IL1RAPL2: variants seen among roughly 807,000 people sequenced by gnomAD.
IL1RAPL2 encodes the protein interleukin 1 receptor accessory protein like 2.
A neutral mutation model predicts 44.1 loss-of-function variants in IL1RAPL2; 3 were observed. The ratio of observed to expected loss-of-function variants is 0.07; its 90% CI spans 0.03 to 0.18. The LOEUF is 0.18. Among genes scored for constraint, IL1RAPL2 ranks in the 10% least tolerant of loss-of-function variants. The pLI is 1.00. For missense variants in IL1RAPL2, 391 were observed against 496.4 expected, an observed-to-expected ratio of 0.79 and a Z score of 2.02; for synonymous variants, 181 against 178.8, an observed-to-expected ratio of 1.01 and a Z score of -0.10.
chrX:105,571,051 C>T (rs1344602675), intron 6 of IL1RAPL2, among the ~76,000 whole-genome samples: 1 of 111,289 alleles, frequency 9.0e-6, no homozygotes, highest in Non-Finnish European at 1.9e-5. Context: ...TTGATCTTAC[C>T]AAATCATTCA....
chrX:105,300,799 C>T lies in IL1RAPL2; in HGVS notation c.697+33258C>T, dbSNP rs890002003. ...TGAGTGGCAAAGGATCCTAGTAAAC[C>T]AGTCTCCCATTCCTGGAATAGGCCA... is the stretch of plus-strand genomic sequence containing the variant. On this transcript the variant is annotated intron_variant, in intron 5 of 10. Coordinates refer to ENST00000372582, the MANE Select transcript of IL1RAPL2 (RefSeq NM_017416.2). Among the ~76,000 whole-genome samples, 6 of 111,305 alleles carry T rather than the reference C, an allele frequency of 5.4e-5. No individual in the cohort carries two copies. In the Admixed American group the frequency reaches 5.8e-4, roughly 11 times the overall value.
intron 5 of IL1RAPL2, among the ~76,000 whole-genome samples, chrX:105,470,134 A>T (rs2036156564): frequency 9.0e-6 from 1 of 111,523 alleles, no homozygotes; most frequent in African/African-American, 3.3e-5. Context: ...TATCTCTGGG[A>T]TGCAATGTTG....
chrX:105,246,358 C>A (rs1005395682), intron 4 of IL1RAPL2, among the ~76,000 whole-genome samples: 2 of 112,232 alleles, frequency 1.8e-5, no homozygotes, highest in African/African-American at 6.5e-5. Flanking sequence ...TTCAGTCCTG[C>A]AGCTTGCTGC....
chrX:105,584,490 T>A (rs1269798190), intron 6 of IL1RAPL2, among the ~76,000 whole-genome samples: 1 of 110,178 alleles, frequency 9.1e-6, no homozygotes, highest in Non-Finnish European at 1.9e-5. Context: ...TTTATTTCTT[T>A]ATGTGTAACA....
intron 1 of IL1RAPL2, among the ~76,000 whole-genome samples, chrX:104,657,316 C>A (rs1930286822): frequency 9.0e-6 from 1 of 111,307 alleles, no homozygotes; most frequent in African/African-American, 3.3e-5. Context: ...AGAAATAACA[C>A]CACACATCTA....
At position 105,454,211 on chromosome X, in the gene IL1RAPL2, A is replaced by G. The variant is rs769679125; in HGVS notation, c.698-30102A>G. On this transcript the variant is annotated intron_variant, in intron 5 of 10. Coordinates refer to ENST00000372582, the MANE Select transcript of IL1RAPL2 (RefSeq NM_017416.2). Reference sequence around the variant, plus strand: ...TACAAGAGAACCCCACAGTCCTTGCAGGCCCTGATCCCAGTAAAGGGAGTT... The same window carrying G: ...TACAAGAGAACCCCACAGTCCTTGCGGGCCCTGATCCCAGTAAAGGGAGTT... Among the ~76,000 whole-genome samples, 30 of 111,753 alleles carry G rather than the reference A, an allele frequency of 2.7e-4. 1 individual carries two copies. Among genetic ancestry groups the G allele is most frequent in the Non-Finnish European group, 5.5e-4 (29 of 53,169 alleles).
At chrX:105,723,060 C>G (rs2038319719) in intron 7 of IL1RAPL2, among the ~76,000 whole-genome samples, 1 of 111,522 alleles carries the variant, frequency 9.0e-6, no homozygotes, top group Non-Finnish European at 1.9e-5. Flanking sequence ...TAAATTTTAT[C>G]TTTAATTCAT....
intron 1 of IL1RAPL2, among the ~76,000 whole-genome samples, chrX:104,568,089 G>A (rs1928073914): frequency 9.0e-6 from 1 of 111,515 alleles, no homozygotes; most frequent in Non-Finnish European, 1.9e-5. Flanking sequence ...CCTATCACAG[G>A]TGTTTTTTTT....
At chrX:105,192,487 C>T (rs1378857966) in intron 2 of IL1RAPL2, among the ~76,000 whole-genome samples, 2 of 111,314 alleles carry the variant, frequency 1.8e-5, no homozygotes, top group Non-Finnish European at 3.8e-5. Flanking sequence ...TTTTCTACCT[C>T]CTTTTGTCCC....
At chrX:105,407,841 C>A (rs1346828256) in intron 5 of IL1RAPL2, among the ~76,000 whole-genome samples, 3 of 112,054 alleles carry the variant, frequency 2.7e-5, no homozygotes, top group Non-Finnish European at 5.6e-5. Flanking sequence ...TTCCACTCAA[C>A]ACCAGACCAA....
intron 5 of IL1RAPL2, among the ~76,000 whole-genome samples, chrX:105,391,912 G>A (rs1393134633): frequency 1.4e-4 from 12 of 84,340 alleles, no homozygotes; most frequent in Non-Finnish European, 1.6e-4. Flanking sequence ...ACCAAACACC[G>A]CATATTCTCA....
intron 5 of IL1RAPL2, among the ~76,000 whole-genome samples, chrX:105,377,392 G>GTA (rs1393091304): frequency 5.5e-5 from 6 of 109,341 alleles, no homozygotes; most frequent in African/African-American, 1.7e-4. Flanking sequence ...GTGTGTGTGT[G>GTA]TGTATGTGTG....
chrX:104,955,958 A>G (rs1361882142), intron 2 of IL1RAPL2, among the ~76,000 whole-genome samples: 1 of 112,343 alleles, frequency 8.9e-6, no homozygotes, highest in Non-Finnish European at 1.9e-5. Flanking sequence ...AATGTACCCA[A>G]AATGATCCAA....
intron 2 of IL1RAPL2, among the ~76,000 whole-genome samples, chrX:104,836,541 C>T (rs1373819150): frequency 9.1e-6 from 1 of 109,509 alleles, no homozygotes; most frequent in Non-Finnish European, 1.9e-5. Context: ...ATATACATAC[C>T]TACTATGTAC....
intron 2 of IL1RAPL2, among the ~76,000 whole-genome samples, chrX:104,669,647 GT>G (rs1320419638): frequency 9.0e-6 from 1 of 111,475 alleles, no homozygotes; most frequent in Non-Finnish European, 1.9e-5. Flanking sequence ...GAATCTGTTG[GT>G]TTTTTGTTCA....
chrX:105,109,228 G>C (rs1414807362), intron 2 of IL1RAPL2, among the ~76,000 whole-genome samples: 2 of 111,778 alleles, frequency 1.8e-5, no homozygotes, highest in African/African-American at 6.5e-5. Flanking sequence ...GTTTCATGAA[G>C]GCCAGAACTG....
At chrX:105,445,707 C>G (rs1279160831) in intron 5 of IL1RAPL2, among the ~76,000 whole-genome samples, 2 of 111,114 alleles carry the variant, frequency 1.8e-5, no homozygotes, top group Admixed American at 9.6e-5. Flanking sequence ...CAAGATTCTT[C>G]TTGTTTATTG....
chrX:105,690,079 G>A (rs774500569), intron 6 of IL1RAPL2, among the ~76,000 whole-genome samples: 8 of 110,447 alleles, frequency 7.2e-5, no homozygotes, highest in Non-Finnish European at 1.1e-4. Context: ...AGGATGGGGG[G>A]CTTGGGGAGG....
intron 6 of IL1RAPL2, among the ~76,000 whole-genome samples, chrX:105,527,118 G>A (rs2036599810): frequency 9.0e-6 from 1 of 111,249 alleles, no homozygotes; most frequent in Admixed American, 9.6e-5. Context: ...TCTGTTTAAC[G>A]TGGTTATTCT....
Sources: gnomAD v4.1 joint callset for allele counts (sites outside exome capture counted in the v4.1 genomes callset) on GRCh38, gnomAD v4.1.1 for gene constraint, MANE v1.5 for transcripts, NCBI Gene and HGNC (gene_info 2026-07-23, HGNC 2026-07-21) for gene names.